DGKB: variants seen among roughly 807,000 people sequenced by gnomAD.
DGKB encodes 90 kDa diacylglycerol kinase.
Under a neutral mutation model 114.3 loss-of-function variants are expected in DGKB, and 67 were observed. That is an observed-to-expected ratio of 0.59 (90% confidence interval 0.48 to 0.72). The LOEUF is 0.72. Among genes scored for constraint, DGKB ranks in the 30% least tolerant of loss-of-function variants. The pLI is 0.00. For missense variants in DGKB, 907 were observed against 975.2 expected (o/e 0.93, Z 0.93); for synonymous variants, 398 against 323.1 (o/e 1.23, Z -2.49).
At chr7:14,584,505 C>T (rs1047984884) in intron 17 of DGKB, among the ~76,000 whole-genome samples, 3 of 152,014 alleles carry the variant, frequency 2.0e-5, no homozygotes, top group Non-Finnish European at 2.9e-5. Flanking sequence ...TAAGTGAAAG[C>T]CAATGTCTTT....
chr7:14,191,988 A>C, intron 23 of DGKB: 1 of 602,570 alleles, frequency 1.7e-6, no homozygotes, highest in South Asian at 1.5e-5. Context: ...GTTCCTGGCA[A>C]GCTCCTGTGT....
chr7:14,618,901 A>T (rs1424113230), intron 15 of DGKB, among the ~76,000 whole-genome samples: 1 of 151,508 alleles, frequency 6.6e-6, no homozygotes, highest in African/African-American at 2.4e-5. Flanking sequence ...TTTAAAGCTC[A>T]TGGAAAAAAT....
At chr7:14,415,833 G>A (rs889791020) in intron 21 of DGKB, among the ~76,000 whole-genome samples, 1 of 152,082 alleles carries the variant, frequency 6.6e-6, no homozygotes, top group Admixed American at 6.6e-5. Context: ...CTAGATCCCT[G>A]AGGAATCGCC....
intron 1 of DGKB, among the ~76,000 whole-genome samples, chr7:14,950,326 C>G (rs1330259227): frequency 6.6e-6 from 1 of 151,650 alleles, no homozygotes; most frequent in African/African-American, 2.4e-5. Context: ...AATTAATAAC[C>G]TAAATTTTCG....
At chr7:14,602,593 T>TG (rs1170019906) in intron 17 of DGKB, among the ~76,000 whole-genome samples, 1 of 152,196 alleles carries the variant, frequency 6.6e-6, no homozygotes. Context: ...TTCTGCCATG[T>TG]GGAGACTCAG....
chr7:14,265,412 G>A (rs1489747275), intron 23 of DGKB, among the ~76,000 whole-genome samples: 4 of 127,956 alleles, frequency 3.1e-5, no homozygotes, highest in Admixed American at 1.9e-4. Context: ...CTCCCGTACT[G>A]TGCTAATTGC....
intron 1 of DGKB, among the ~76,000 whole-genome samples, chr7:14,842,919 A>G (rs955305434): frequency 3.3e-5 from 5 of 152,194 alleles, no homozygotes; most frequent in Non-Finnish European, 5.9e-5. Flanking sequence ...CTTTTAATAA[A>G]GGATTAAGGC....
intron 21 of DGKB, among the ~76,000 whole-genome samples, chr7:14,380,971 C>G (rs1353433844): frequency 1.3e-5 from 2 of 152,176 alleles, no homozygotes; most frequent in Admixed American, 1.3e-4. Context: ...CCAAGGAGTT[C>G]TTCAAAGTAA....
chr7:14,908,584 A>G (rs1783829359), intron 1 of DGKB, among the ~76,000 whole-genome samples: 1 of 152,224 alleles, frequency 6.6e-6, no homozygotes, highest in South Asian at 2.1e-4. Context: ...TTTACAATTT[A>G]GAGAAGAATG....
intron 23 of DGKB, among the ~76,000 whole-genome samples, chr7:14,192,717 A>G (rs1408143579): frequency 6.6e-6 from 1 of 152,112 alleles, no homozygotes; most frequent in Non-Finnish European, 1.5e-5. Context: ...TGTGCACTTT[A>G]TATTATTAGC....
chr7:14,371,346 C>A (rs1036331375), intron 21 of DGKB, among the ~76,000 whole-genome samples: 1 of 152,108 alleles, frequency 6.6e-6, no homozygotes, highest in African/African-American at 2.4e-5. Context: ...TGCTTTTTGA[C>A]TTTTTAATTA....
chr7:14,369,077 C>G (rs537706470), intron 21 of DGKB, among the ~76,000 whole-genome samples: 1 of 152,066 alleles, frequency 6.6e-6, no homozygotes, highest in Non-Finnish European at 1.5e-5. Flanking sequence ...CCCTAGCACC[C>G]CACCCCCGAC....
At position 14,635,862 on chromosome 7, in the gene DGKB, A is replaced by G. The variant is rs564784703; in HGVS notation, c.1135-5594T>C. On this transcript the variant is annotated intron_variant, in intron 13 of 25. Transcript: ENST00000402815. ...GTTATGCCTATTTTATCTCCCTATA[A>G]AAACGAGAGCCAGTTCTAGAAATAT... is the stretch of plus-strand genomic sequence containing the variant. Among the ~76,000 whole-genome samples the G allele has an allele frequency of 7.6e-4, 115 of 151,714 alleles. 1 individual carries two copies. Among genetic ancestry groups the G allele is most frequent in the African/African-American group, 2.6e-3 (108 of 41,528 alleles).
At chr7:14,888,172 T>C (rs1780610361) in intron 1 of DGKB, among the ~76,000 whole-genome samples, 1 of 151,662 alleles carries the variant, frequency 6.6e-6, no homozygotes, top group African/African-American at 2.4e-5. Context: ...TAGGAAGTTA[T>C]CAAATCATTT....
At chr7:14,272,649 T>C (rs1348584794) in intron 23 of DGKB, among the ~76,000 whole-genome samples, 1 of 152,188 alleles carries the variant, frequency 6.6e-6, no homozygotes, top group Non-Finnish European at 1.5e-5. Flanking sequence ...AAAGCAGATG[T>C]CCTACATGAC....
intron 2 of DGKB, among the ~76,000 whole-genome samples, chr7:14,808,510 C>A (rs1843027393): frequency 1.3e-5 from 2 of 151,952 alleles, no homozygotes; most frequent in South Asian, 4.1e-4. Context: ...AGAGATTTCA[C>A]TGTAAAGAGT....
chr7:14,735,078 T>A (rs917851143), intron 5 of DGKB, among the ~76,000 whole-genome samples: 1 of 152,156 alleles, frequency 6.6e-6, no homozygotes, highest in African/African-American at 2.4e-5. Context: ...TCTAAAGCAG[T>A]GTAGGCTCTA....
rs560777028 is a variant in DGKB at position 14,697,872 on chromosome 7, G to A, written c.591+223C>T. Among the ~76,000 whole-genome samples, 25 of 142,294 alleles carry A rather than the reference G, an allele frequency of 1.8e-4. No homozygotes were observed. The East Asian group carries it at 3.7e-3, about 21-fold the overall frequency. 93.4% of individuals were successfully genotyped at this position (142,294 alleles called of 152,430 possible). ...GAGAGAGAAGGAAGGAAGGAAGGTA[G>A]GAGGGAGGGAGGGGAGAAAGAAAGA... is the stretch of plus-strand genomic sequence containing the variant. On this transcript the variant is annotated intron_variant, in intron 8 of 25. Transcript: ENST00000402815.
At chr7:14,706,512 C>A (rs890543240) in intron 6 of DGKB, among the ~76,000 whole-genome samples, 1 of 147,864 alleles carries the variant, frequency 6.8e-6, no homozygotes, top group Non-Finnish European at 1.5e-5. Flanking sequence ...ACAGAATATA[C>A]ATTTTTTTCA....
Sources: gnomAD v4.1 joint callset for allele counts (sites outside exome capture counted in the v4.1 genomes callset) on GRCh38, gnomAD v4.1.1 for gene constraint, MANE v1.5 for transcripts, NCBI Gene and HGNC (gene_info 2026-07-23, HGNC 2026-07-21) for gene names.